The following EPM2A variants were observed in gnomAD, a reference collection of about 807,000 sequenced individuals.
EPM2A encodes EPM2A glucan phosphatase, laforin.
Under a neutral mutation model 26.5 loss-of-function variants are expected in EPM2A, and 21 were observed. That is an observed-to-expected ratio of 0.79 (90% CI 0.56 to 1.14). The LOEUF (loss-of-function observed/expected upper bound fraction) is 1.14, where lower values mean the gene tolerates loss of function less well. Ranked by LOEUF, EPM2A falls within the 50% of genes most tolerant of loss-of-function variation. The pLI is 0.00. For synonymous variants in EPM2A, 217 were observed against 177.6 expected (o/e 1.22, Z -1.76); for missense variants, 458 against 440.8 (o/e 1.04, Z -0.35).
intron 2 of EPM2A, among the ~76,000 whole-genome samples, chr6:145,652,175 C>CA (rs1182783292): frequency 2.0e-5 from 3 of 152,112 alleles, no homozygotes; most frequent in Non-Finnish European, 4.4e-5. Context: ...CAAATACAAG[C>CA]ATTTGGTTTC....
At chr6:145,518,163 G>C (rs1377493453) in intron 2 of EPM2A, among the ~76,000 whole-genome samples, 2 of 152,134 alleles carry the variant, frequency 1.3e-5, no homozygotes, top group Non-Finnish European at 2.9e-5. Flanking sequence ...GTGTTTACTT[G>C]CCTACATATA....
chr6:145,428,323 T>C (rs919344416), intron 4 of EPM2A, among the ~76,000 whole-genome samples: 2 of 152,194 alleles, frequency 1.3e-5, no homozygotes, highest in Admixed American at 6.5e-5. Context: ...TTTGAATCTG[T>C]CTTTCTCTGC....
chr6:145,656,682 C>T lies in EPM2A; in HGVS notation c.477-21196G>A, dbSNP rs374293986. ...GACATGATGTCAACATCATAGAAAA[C>T]GGTTGACATGATTATAGTGCTATTG... On this transcript the variant is annotated intron_variant, in intron 2 of 3. Coordinates refer to ENST00000367519, the MANE Select transcript of EPM2A (RefSeq NM_005670.4). Among the ~76,000 whole-genome samples, 12 of 151,590 alleles carry T rather than the reference C, an allele frequency of 7.9e-5. No individual in the cohort carries two copies. In the South Asian group the frequency reaches 1.5e-3, roughly 18 times the overall value.
chr6:145,494,083 G>GTA (rs1359070702), intron 4 of EPM2A, among the ~76,000 whole-genome samples: 1 of 152,258 alleles, frequency 6.6e-6, no homozygotes, highest in Admixed American at 6.5e-5. Flanking sequence ...TGTACATCTG[G>GTA]TAGAATTCAG....
intron 1 of EPM2A, among the ~76,000 whole-genome samples, chr6:145,700,552 A>G (rs565518865): frequency 6.6e-6 from 1 of 152,224 alleles, no homozygotes; most frequent in African/African-American, 2.4e-5. Context: ...AAGCCCACAC[A>G]CACAAAAAAA....
At position 145,389,014 on chromosome 6, in the gene EPM2A, T is replaced by C. The variant is rs373749291; in HGVS notation, c.556-4917A>G. The stretch of plus-strand genomic sequence containing the variant: ...TTTATAGTAGAATGATTTAAAATCC[T>C]TTATATACTCAGTAATGAGATTGCT... On this transcript the variant is annotated intron_variant, in intron 4 of 4. Coordinates refer to the EPM2A transcript ENST00000638717. Among the ~76,000 whole-genome samples, 14 of 152,232 alleles carry C rather than the reference T, an allele frequency of 9.2e-5. 1 individual carries two copies. Among genetic ancestry groups the C allele is most frequent in the African/African-American group, 3.4e-4 (14 of 41,548 alleles).
chr6:145,398,220 G>A (rs193118628), intron 4 of EPM2A, among the ~76,000 whole-genome samples: 3 of 152,236 alleles, frequency 2.0e-5, no homozygotes, highest in African/African-American at 7.2e-5. Flanking sequence ...AATCTGACAG[G>A]ATTTATGGAC....
chr6:145,713,937 C>A (rs998476318), intron 1 of EPM2A, among the ~76,000 whole-genome samples: 8 of 152,138 alleles, frequency 5.3e-5, no homozygotes, highest in Non-Finnish European at 1.2e-4. Context: ...ACAACACGTA[C>A]AAACCCCAAA....
At chr6:145,513,678 T>A (rs1780086263) in intron 2 of EPM2A, among the ~76,000 whole-genome samples, 1 of 152,230 alleles carries the variant, frequency 6.6e-6, no homozygotes. Context: ...ATAGCAAAAA[T>A]ATGAATATTG....
intron 1 of EPM2A, among the ~76,000 whole-genome samples, chr6:145,687,103 C>T (rs1013738298): frequency 6.6e-6 from 1 of 152,068 alleles, no homozygotes; most frequent in African/African-American, 2.4e-5. Context: ...ATGTTTTTGT[C>T]CCCCCAAAAT....
chr6:145,707,471 T>G (rs965440086), intron 1 of EPM2A, among the ~76,000 whole-genome samples: 28 of 152,208 alleles, frequency 1.8e-4, no homozygotes, highest in African/African-American at 6.8e-4. Flanking sequence ...GAATTGTAGC[T>G]CCCATAATTT....
intron 1 of EPM2A, chr6:145,720,980 G>A (rs1319159186): frequency 6.6e-6 from 1 of 152,124 alleles, no homozygotes; most frequent in African/African-American, 2.4e-5. Flanking sequence ...TGGGCAACAT[G>A]GCGAAACCCC....
Position 145,626,598 on chromosome 6 carries a change from A to C in EPM2A, c.*818T>G, listed in dbSNP as rs978749252. ...ATGCACTACATGATGCTGGGAAAAC[A>C]AGTTGTGATGAAAACAGTGCTGAGT... On this transcript the variant is annotated 3_prime_UTR_variant, in exon 4 of 4. Coordinates refer to ENST00000367519, the MANE Select transcript of EPM2A (RefSeq NM_005670.4). 1.0e-6 allele frequency: 1 copy of C among 985,490 alleles called. No homozygotes were observed. Among genetic ancestry groups the C allele is most frequent in the Non-Finnish European group, 1.2e-6 (1 of 829,760 alleles). The allele number at this position is 985,490 out of a possible 1,614,324, so 61.0% of individuals were successfully genotyped here.
At chr6:145,670,902 T>C (rs1779590435) in intron 2 of EPM2A, 1 of 985,314 alleles carries the variant, frequency 1.0e-6, no homozygotes, top group African/African-American at 1.7e-5. Context: ...TCAATAAAAA[T>C]CATTCCCCAG....
intron 4 of EPM2A, among the ~76,000 whole-genome samples, chr6:145,433,462 T>A (rs1778947168): frequency 6.6e-6 from 1 of 152,202 alleles, no homozygotes; most frequent in Non-Finnish European, 1.5e-5. Context: ...TCATACCTTC[T>A]TTTGGATTTA....
chr6:145,585,259 T>C (rs1781176729), intron 2 of EPM2A, among the ~76,000 whole-genome samples: 1 of 152,178 alleles, frequency 6.6e-6, no homozygotes, highest in Non-Finnish European at 1.5e-5. Flanking sequence ...TTGAGTTTCT[T>C]GGATCTGTAG....
At chr6:145,716,977 T>A (rs1001600076) in intron 1 of EPM2A, among the ~76,000 whole-genome samples, 2 of 152,120 alleles carry the variant, frequency 1.3e-5, no homozygotes, top group Non-Finnish European at 2.9e-5. Flanking sequence ...CTAACCCTAC[T>A]ATAAAGTCTT....
Position 145,491,060 on chromosome 6 carries a change from T to A in EPM2A, c.555+11462A>T, listed in dbSNP as rs908283270. On this transcript the variant is annotated intron_variant, in intron 4 of 4. Transcript: ENST00000638717. ...CAGGTTCTGATTCTGCAGATGGCAA[T>A]GATTCTGTGATAACATTTGAAGTTG... The A allele has an allele frequency of 8.9e-6, 7 of 783,044 alleles. No homozygotes were observed. In the African/African-American group the frequency reaches 1.2e-4, roughly 14 times the overall value. The allele number at this position is 783,044 out of a possible 1,614,324, so 48.5% of individuals were successfully genotyped here. A position where few individuals can be genotyped will look rare whatever the true frequency, so the allele number is the denominator to read the frequency against.
At chr6:145,549,153 C>T (rs1358845635) in intron 2 of EPM2A, among the ~76,000 whole-genome samples, 1 of 152,050 alleles carries the variant, frequency 6.6e-6, no homozygotes, top group African/African-American at 2.4e-5. Context: ...CAGCAAGAGG[C>T]CAAAGCCCCA....
Sources: allele counts gnomAD v4.1 joint callset (sites outside exome capture counted in the v4.1 genomes callset), GRCh38; gene constraint gnomAD v4.1.1; transcripts MANE v1.5; gene names NCBI Gene and HGNC (gene_info 2026-07-23, HGNC 2026-07-21).